The following RGS7 variants were observed in gnomAD, a reference collection of about 807,000 sequenced individuals.
RGS7 encodes the protein regulator of G protein signaling 7.
RGS7 carries 27 observed loss-of-function variants against 81.1 expected under a neutral mutation model. The ratio of observed to expected loss-of-function variants is 0.33; its 90% CI spans 0.25 to 0.46. The LOEUF (loss-of-function observed/expected upper bound fraction) is 0.46. Ranked by LOEUF, RGS7 falls within the 20% of genes least tolerant of loss-of-function variation. The pLI, the probability that RGS7 is intolerant of heterozygous loss-of-function variation, is 1.00. For missense variants in RGS7, 396 were observed against 607.4 expected (o/e 0.65, Z 3.66); for synonymous variants, 208 against 207.7 (o/e 1.00, Z -0.01).
chr1:240,844,328 A>G (rs1658663961), intron 9 of RGS7, among the ~76,000 whole-genome samples: 1 of 152,142 alleles, frequency 6.6e-6, no homozygotes, highest in Non-Finnish European at 1.5e-5. Context: ...GCAAGATACC[A>G]TCAGTACTTG....
intron 2 of RGS7, among the ~76,000 whole-genome samples, chr1:241,118,203 T>C (rs2066002754): frequency 6.6e-6 from 1 of 152,182 alleles, no homozygotes. Flanking sequence ...AAGAGACTAT[T>C]GGGTACATTC....
chr1:240,858,187 T>C (rs911095708), intron 9 of RGS7, among the ~76,000 whole-genome samples: 3 of 152,230 alleles, frequency 2.0e-5, no homozygotes, highest in Admixed American at 6.5e-5. Context: ...CAATTATGAA[T>C]AAAGTTGCCA....
At chr1:241,343,467 A>G (rs1459072480) in intron 2 of RGS7, among the ~76,000 whole-genome samples, 5 of 152,300 alleles carry the variant, frequency 3.3e-5, no homozygotes, top group Middle Eastern at 3.4e-3. Flanking sequence ...CAGTAAATAC[A>G]TTCAAAGGAA....
chr1:240,918,958 C>T (rs918434173), intron 6 of RGS7, among the ~76,000 whole-genome samples: 1 of 151,960 alleles, frequency 6.6e-6, no homozygotes, highest in Admixed American at 6.6e-5. Flanking sequence ...CTCAACCCCA[C>T]AAATTTGATA....
rs113528914 is a variant in RGS7, at chr1:240,833,818, T to C, written c.610-6646A>G. Among the ~76,000 whole-genome samples the C allele has an allele frequency of 8.6e-3, 1,309 of 152,212 alleles. 10 individuals are homozygous for C. Among genetic ancestry groups the C allele is most frequent in the Non-Finnish European group, 0.014 (960 of 68,010 alleles). The stretch of plus-strand genomic sequence containing the variant: ...TTCAGTCTCAGGACTTTTTTTTTTT[T>C]GGCCCAGGCTGGAATGCAGTGGTGC... On this transcript the variant is annotated intron_variant, in intron 9 of 18. Coordinates refer to ENST00000440928, the MANE Select transcript of RGS7 (RefSeq NM_001364886.1).
intron 9 of RGS7, among the ~76,000 whole-genome samples, chr1:240,846,786 C>T (rs1402258482): frequency 6.6e-6 from 1 of 152,086 alleles, no homozygotes; most frequent in East Asian, 1.9e-4. Flanking sequence ...ATGGGGCTAT[C>T]TTTCTATTTT....
At position 241,108,996 on chromosome 1, in the gene RGS7, C is replaced by A. The variant is rs552599651; in HGVS notation, c.79-10234G>T. Among the ~76,000 whole-genome samples the A allele has an allele frequency of 3.3e-5, 5 of 152,254 alleles. No individual in the cohort carries two copies. In the South Asian group the frequency reaches 8.3e-4, roughly 25 times the overall value. On this transcript the variant is annotated intron_variant, in intron 2 of 18. Coordinates refer to ENST00000440928, the MANE Select transcript of RGS7 (RefSeq NM_001364886.1). ...TATACGAACTCCTTACCTCCTGATC[C>A]CACTTGAGCTCACATCAGTTCGCTC...
At chr1:240,939,359 AT>A (rs1677174112) in intron 4 of RGS7, among the ~76,000 whole-genome samples, 1 of 152,208 alleles carries the variant, frequency 6.6e-6, no homozygotes, top group Admixed American at 6.5e-5. Flanking sequence ...TACCCTATAA[AT>A]ATCTAACAAA....
chr1:240,840,705 G>C (rs1041723462), intron 9 of RGS7, among the ~76,000 whole-genome samples: 15 of 152,174 alleles, frequency 9.9e-5, no homozygotes, highest in Admixed American at 6.5e-5. Context: ...TCCACCTGGA[G>C]GGTTTTTGCA....
intron 3 of RGS7, among the ~76,000 whole-genome samples, chr1:240,991,154 A>T (rs1303554951): frequency 6.6e-6 from 1 of 152,246 alleles, no homozygotes; most frequent in Non-Finnish European, 1.5e-5. Flanking sequence ...GTTCTGTGGT[A>T]GAGCTCCTTG....
chr1:241,237,817 A>T (rs147014249), intron 2 of RGS7, among the ~76,000 whole-genome samples: 76 of 152,294 alleles, frequency 5.0e-4, no homozygotes, highest in African/African-American at 1.8e-3. Context: ...GTATAATTTG[A>T]GCCAGGAAAG....
chr1:241,071,873 T>TGAAAAAAAAA (rs2062471903), intron 3 of RGS7, among the ~76,000 whole-genome samples: 1 of 4,002 alleles, frequency 2.5e-4, no homozygotes, highest in African/African-American at 1.6e-3. Context: ...TGAGACCCTG[T>TGAAAAAAAAA]CAAAAAAAAA....
At chr1:241,275,127 C>T (rs1404699819) in intron 2 of RGS7, among the ~76,000 whole-genome samples, 1 of 152,172 alleles carries the variant, frequency 6.6e-6, no homozygotes, top group Non-Finnish European at 1.5e-5. Flanking sequence ...TTGGAGACAT[C>T]CCTCCCCATA....
intron 2 of RGS7, among the ~76,000 whole-genome samples, chr1:241,328,940 A>G (rs1573705677): frequency 1.3e-5 from 2 of 152,184 alleles, no homozygotes; most frequent in Non-Finnish European, 1.5e-5. Flanking sequence ...CTATGCACAA[A>G]CTTGTATCTA....
chr1:240,840,321 TG>T (rs1398304322), intron 9 of RGS7, among the ~76,000 whole-genome samples: 1 of 151,996 alleles, frequency 6.6e-6, no homozygotes, highest in Non-Finnish European at 1.5e-5. Flanking sequence ...TTGCCCAGGG[TG>T]GAGTGCAATA....
intron 2 of RGS7, among the ~76,000 whole-genome samples, chr1:241,347,515 G>A (rs1299911130): frequency 6.6e-6 from 1 of 152,110 alleles, no homozygotes. Context: ...CTCAGAAAGG[G>A]TTCTAAACAC....
At chr1:240,824,984 C>A (rs1464321370) in intron 10 of RGS7, among the ~76,000 whole-genome samples, 3 of 152,178 alleles carry the variant, frequency 2.0e-5, no homozygotes, top group Admixed American at 6.5e-5. Context: ...TTGCCACCAC[C>A]CTGATCTCGA....
chr1:241,078,791 C>A (rs2062971534), intron 3 of RGS7, among the ~76,000 whole-genome samples: 1 of 152,088 alleles, frequency 6.6e-6, no homozygotes, highest in African/African-American at 2.4e-5. Flanking sequence ...TAGTTGCTGA[C>A]AGCACTTATG....
intron 5 of RGS7, among the ~76,000 whole-genome samples, chr1:240,935,511 A>G (rs899980022): frequency 6.6e-6 from 1 of 152,216 alleles, no homozygotes; most frequent in Non-Finnish European, 1.5e-5. Context: ...TCAGTATCAC[A>G]GTTTCAGGAT....
Sources: allele counts gnomAD v4.1 joint callset (sites outside exome capture counted in the v4.1 genomes callset), GRCh38; gene constraint gnomAD v4.1.1; transcripts MANE v1.5; gene names NCBI Gene and HGNC (gene_info 2026-07-23, HGNC 2026-07-21).